The following FLT4 variants were observed in gnomAD, a reference collection of about 807,000 sequenced individuals.
FLT4 encodes vascular endothelial growth factor receptor 3.
In FLT4, 30 loss-of-function variants were observed where a neutral mutation model predicts 163.2. The ratio of observed to expected loss-of-function variants is 0.18; its 90% confidence interval spans 0.14 to 0.25. FLT4 has a LOEUF of 0.25. Among genes scored for constraint, FLT4 ranks in the 10% least tolerant of loss-of-function variants. The pLI, the probability that FLT4 is intolerant of heterozygous loss-of-function variation, is 1.00. For synonymous variants in FLT4, 884 were observed against 789.5 expected (o/e 1.12, Z -2.01); for missense variants, 1,510 against 1,863.8 (o/e 0.81, Z 3.50).
intron 26 of FLT4, 27 bp downstream of exon 26, chr5:180,612,479 G>A (rs2127793825): frequency 6.4e-7 from 1 of 1,555,352 alleles, no homozygotes; most frequent in Non-Finnish European, 8.9e-7. Context: ...AAAGGCCATA[G>A]TAGAACAGGG....
At chr5:180,642,499 G>A (rs964000256) in intron 1 of FLT4, among the ~76,000 whole-genome samples, 2 of 152,066 alleles carry the variant, frequency 1.3e-5, no homozygotes, top group African/African-American at 2.4e-5. Flanking sequence ...TGATGAGGCC[G>A]TGGAAGCAGG....
Position 180,630,508 on chromosome 5 carries a change from C to T in FLT4, c.400+47G>A. 2 of 1,610,288 alleles carry T rather than the reference C, an allele frequency of 1.2e-6. No homozygotes were observed. Among genetic ancestry groups the T allele is most frequent in the South Asian group, 1.1e-5 (1 of 90,876 alleles). On this transcript the variant is annotated intron_variant, in intron 3 of 29. Coordinates refer to ENST00000261937, the MANE Select transcript of FLT4 (RefSeq NM_182925.5). The surrounding 1 kb of genome is among the most constrained non-coding windows in gnomAD (Gnocchi z 6.3). Reference sequence around the variant, plus strand: ...CACAGGCTGGGGGCGGTGTGGGCCCCAGCTGCCCGGGACCCTGCTCCAGCC... The same window carrying T: ...CACAGGCTGGGGGCGGTGTGGGCCCTAGCTGCCCGGGACCCTGCTCCAGCC...
At chr5:180,612,706 G>T (rs1334925102) in intron 25 of FLT4, 95 bp from the exon 26 acceptor site, 2 of 861,620 alleles carry the variant, frequency 2.3e-6, no homozygotes, top group Non-Finnish European at 3.9e-6. Flanking sequence ...CACCCACTCT[G>T]CCCTCCTCCT....
In FLT4 at chr5:180,621,716, A is replaced by C. The variant is rs1763161429; in HGVS notation, c.1846T>G (p.Phe616Val). The change falls in exon 13 of 30, where the codon TTC becomes GTC. Residue 616 changes from phenylalanine to valine, a missense_variant. Around this residue, in one of 5 missense-constraint regions of FLT4, gnomAD observed 878 missense variants for 1,016.7 expected, o/e 0.86. Transcript: ENST00000261937. The part of the protein sequence containing the change: ...LLLDCKNVHL[F>V]ATPLAASLEE... ...AGGCTGGCGGCCAGAGGGGTGGCGA[A>C]CAGATGCACGTTCTTGCAGTCGAGC... 5 of 1,612,800 alleles carry C rather than the reference A, an allele frequency of 3.1e-6. No homozygotes were observed. The highest frequency in any genetic ancestry group is 2.7e-5 in the African/African-American group (2 of 74,940).
rs1762214092 is a variant in FLT4, at chr5:180,611,667, G to T, written c.3538-188C>A. The stretch of plus-strand genomic sequence containing the variant: ...CTCGCTCTGCCCTCGGGACTGCTTG[G>T]GCTCCTGACCCCTGAGATAGGGCCC... On this transcript the variant is annotated intron_variant, in intron 26 of 29. Transcript: ENST00000261937. The T allele has an allele frequency of 1.3e-5, 8 of 621,840 alleles. No homozygotes were observed. In the East Asian group the frequency reaches 1.7e-4, roughly 13 times the overall value. 38.5% of individuals were successfully genotyped at this position (621,840 alleles called of 1,614,324 possible).
At position 180,614,059 on chromosome 5, in the gene FLT4, T is replaced by C; in HGVS notation, c.3331+9A>G. On this transcript the variant is annotated intron_variant, in intron 24 of 29. Coordinates refer to ENST00000261937, the MANE Select transcript of FLT4 (RefSeq NM_182925.5). The stretch of plus-strand genomic sequence containing the variant: ...TCCTCTCCCCACCGGCACCCCATCC[T>C]GCACTCACCCAGAGAGAAGATCTCC... The C allele has an allele frequency of 6.3e-7, 1 of 1,590,778 alleles. No individual in the cohort carries two copies. The highest frequency in any genetic ancestry group is 1.3e-5 in the African/African-American group (1 of 74,542).
chr5:180,616,698 TCAAA>T lies in FLT4; in HGVS notation c.3096+198_3096+201del, dbSNP rs1168045109. On this transcript the variant is annotated intron_variant, in intron 22 of 29. Coordinates refer to ENST00000261937, the MANE Select transcript of FLT4 (RefSeq NM_182925.5). ...GGGGACAGCAGAGAAAGTTGTGGAG[TCAAA>T]CAGACTCTGCTGCTGACCAGCCAAG... 5.3e-5 allele frequency among the ~76,000 whole-genome samples: 8 copies of T among 151,894 alleles called. No homozygotes were observed. The South Asian group carries it at 8.3e-4, about 16-fold the overall frequency.
In FLT4 at chr5:180,626,004, G is replaced by A. The variant is rs928804532; in HGVS notation, c.1286C>T (p.Ala429Val). 1 of 1,612,698 alleles carries A rather than the reference G, an allele frequency of 6.2e-7. No individual in the cohort carries two copies. Among genetic ancestry groups the A allele is most frequent in the Non-Finnish European group, 8.5e-7 (1 of 1,179,944 alleles). ...NVPPQIHEKE[A>V]SSPSIYSRHS... Reference sequence around the variant, plus strand: ...ACGCGAGTAGATGCTGGGGGAGGAGGCCTCCTTCTCATGTATCTGGGGGGG... The same window carrying A: ...ACGCGAGTAGATGCTGGGGGAGGAGACCTCCTTCTCATGTATCTGGGGGGG... Residue 429 changes from alanine (A) to valine (V), a missense_variant, in exon 10 of 30, where the codon GCC (alanine) becomes GTC (valine). This residue lies in a region of FLT4 where 878 missense variants were observed against 1,016.7 expected (regional missense o/e 0.86). Coordinates refer to ENST00000261937, the MANE Select transcript of FLT4 (RefSeq NM_182925.5).
At chr5:180,641,167 C>T (rs1052717125) in intron 1 of FLT4, among the ~76,000 whole-genome samples, 2 of 152,202 alleles carry the variant, frequency 1.3e-5, no homozygotes, top group African/African-American at 4.8e-5. Flanking sequence ...CCTCTGTGCC[C>T]GGCAAACTGC....
Position 180,618,881 on chromosome 5 carries a change from C to T in FLT4, c.2890G>A (p.Val964Met). 6.3e-7 allele frequency: 1 copy of T among 1,587,938 alleles called. No individual in the cohort carries two copies. The change falls in exon 21 of 30, where the codon GTG becomes ATG. Residue 964 changes from valine (V) to methionine (M), a missense_variant. Val to Met is a conservative substitution (Grantham distance 21, BLOSUM62 1). Around this residue, in one of 5 missense-constraint regions of FLT4, gnomAD observed 878 missense variants for 1,016.7 expected, o/e 0.86. Coordinates refer to ENST00000261937, the MANE Select transcript of FLT4 (RefSeq NM_182925.5). ...CTCCGATCCAGCCTGGCGAGCTCCA[C>T]CATGGCGCGGAAGCGTCCGCGCTGC... ...PEQRGRFRAM[V>M]ELARLDRRRP...
Position 180,616,967 on chromosome 5 carries a change from G to A in FLT4, c.3029C>T (p.Thr1010Ile). 6.2e-7 allele frequency: 1 copy of A among 1,613,296 alleles called. No homozygotes were observed. Among genetic ancestry groups the A allele is most frequent in the Non-Finnish European group, 8.5e-7 (1 of 1,179,924 alleles). ...EAEDLWLSPLTMEDLVCYSFQ... is the reference protein window; with the variant it reads ...EAEDLWLSPLIMEDLVCYSFQ... ...GCTGTAGCAGACAAGATCTTCCATG[G>A]TCAGCGGGCTCAGCCACAGGTCCTC... The change falls in exon 22 of 30, where the codon ACC becomes ATC. Residue 1010 changes from threonine to isoleucine, a missense_variant. Physicochemically the swap from Thr to Ile is moderately conservative, Grantham distance 89. Coordinates refer to ENST00000261937, the MANE Select transcript of FLT4 (RefSeq NM_182925.5).
chr5:180,644,122 C>T (rs111922857), intron 1 of FLT4, among the ~76,000 whole-genome samples: 6,658 of 152,248 alleles, frequency 0.044, 209 homozygotes, highest in South Asian at 0.11. Context: ...CCGCTCTTAA[C>T]GGTTCTTTAG....
At chr5:180,637,773 A>G (rs1581701391) in intron 1 of FLT4, among the ~76,000 whole-genome samples, 1 of 152,090 alleles carries the variant, frequency 6.6e-6, no homozygotes, top group African/African-American at 2.4e-5. Context: ...CAGGTGATCC[A>G]CCTGCCTCGG....
chr5:180,649,262 G>T (rs1267501824), intron 1 of FLT4, among the ~76,000 whole-genome samples: 1 of 151,858 alleles, frequency 6.6e-6, no homozygotes, highest in East Asian at 1.9e-4. Context: ...GCCGAGGCGC[G>T]GCCCGGCCGC....
chr5:180,639,452 T>C (rs1187794127), intron 1 of FLT4, among the ~76,000 whole-genome samples: 10 of 151,486 alleles, frequency 6.6e-5, no homozygotes, highest in Admixed American at 6.6e-5. Flanking sequence ...GATGCATGGA[T>C]GGGTAGATTG....
chr5:180,617,036 G>A (rs965380720), intron 21 of FLT4, 42 bp from the exon 22 acceptor site: 8 of 1,455,488 alleles, frequency 5.5e-6, no homozygotes, highest in East Asian at 2.3e-5. Flanking sequence ...CGCCTCCTCC[G>A]CGGCCTCCAT....
In FLT4 at chr5:180,622,850, A is replaced by G; in HGVS notation, c.1549-11T>C. The stretch of plus-strand genomic sequence containing the variant: ...CAGCTTGCTCACAGTCTGGGAGAGC[A>G]CAGGCACAAGGATCCATTTCCTGCC... On this transcript the variant is annotated splice_polypyrimidine_tract_variant and intron_variant, in intron 11 of 29. Coordinates refer to ENST00000261937, the MANE Select transcript of FLT4 (RefSeq NM_182925.5). The G allele has an allele frequency of 1.3e-6, 2 of 1,590,288 alleles. No homozygotes were observed. Among genetic ancestry groups the G allele is most frequent in the Non-Finnish European group, 1.7e-6 (2 of 1,159,066 alleles).
Position 180,610,122 on chromosome 5 carries a change from G to A in FLT4, c.3687-97C>T, listed in dbSNP as rs948259444. The A allele has an allele frequency of 1.8e-5, 28 of 1,576,618 alleles. No homozygotes were observed. The Admixed American group carries it at 4.4e-4, about 25-fold the overall frequency. On this transcript the variant is annotated intron_variant, in intron 27 of 29. Transcript: ENST00000261937. ...CTGTGCCCCCTCTTCTCCTGGAAAGGACCCCCCGCCTGGGGCAGGAGTATG... is the reference window on the plus strand; with the variant it reads ...CTGTGCCCCCTCTTCTCCTGGAAAGAACCCCCCGCCTGGGGCAGGAGTATG...
chr5:180,645,339 G>A (rs1455583293), intron 1 of FLT4, among the ~76,000 whole-genome samples: 3 of 152,340 alleles, frequency 2.0e-5, no homozygotes, highest in African/African-American at 7.2e-5. Flanking sequence ...CACGGCCGCC[G>A]TGGGGCAGCC....
Sources: gnomAD v4.1 joint callset for allele counts (sites outside exome capture counted in the v4.1 genomes callset) on GRCh38, gnomAD v4.1.1 for gene constraint, gnomAD v4.1.1 regional missense constraint, Gnocchi (gnomAD v3.1) non-coding constraint, MANE v1.5 for transcripts, NCBI Gene and HGNC (gene_info 2026-07-23, HGNC 2026-07-21) for gene names.